The following USH2A variants were observed in gnomAD, a reference collection of about 807,000 sequenced individuals.
USH2A encodes the protein Usher syndrome 2A (autosomal recessive, mild).
USH2A carries 443 observed loss-of-function variants against 538.9 expected under a neutral mutation model. The observed-to-expected ratio is 0.82, with a 90% CI of 0.76 to 0.89. The LOEUF is 0.89. Ranked by LOEUF, USH2A falls within the 40% of genes least tolerant of loss-of-function variation. The pLI is 0.00. For synonymous variants in USH2A, 2,413 were observed against 2,273.5 expected (o/e 1.06, Z -1.75); for missense variants, 6,633 against 6,324.8 (o/e 1.05, Z -1.65).
intron 64 of USH2A, among the ~76,000 whole-genome samples, chr1:215,659,654 GT>G (rs1487755298): frequency 1.3e-5 from 2 of 151,774 alleles, no homozygotes; most frequent in Non-Finnish European, 2.9e-5. Context: ...GTTGTTGTTT[GT>G]TTTTTTAATC....
intron 68 of USH2A, 113 bp from the exon 69 acceptor site, chr1:215,639,351 G>T: frequency 3.0e-6 from 3 of 986,394 alleles, no homozygotes; most frequent in Non-Finnish European, 4.8e-6. Flanking sequence ...TCCAAAGCAA[G>T]TTATGACGTT....
chr1:215,897,579 C>T (rs758622541), intron 40 of USH2A, among the ~76,000 whole-genome samples: 26 of 151,940 alleles, frequency 1.7e-4, no homozygotes, highest in African/African-American at 6.3e-4. Flanking sequence ...ATCCCAGCTA[C>T]TTGGGAGGCT....
chr1:216,303,899 C>G (rs920831242), intron 9 of USH2A, among the ~76,000 whole-genome samples: 1 of 151,888 alleles, frequency 6.6e-6, no homozygotes, highest in Non-Finnish European at 1.5e-5. Context: ...AATGATCAAT[C>G]TTTACAGTAA....
chr1:216,376,959 T>C (rs2038834272), intron 3 of USH2A, among the ~76,000 whole-genome samples: 1 of 152,164 alleles, frequency 6.6e-6, no homozygotes, highest in African/African-American at 2.4e-5. Context: ...CATTATATAA[T>C]AAATAAATAA....
chr1:215,908,769 G>A (rs1343921838), intron 38 of USH2A, among the ~76,000 whole-genome samples: 3 of 151,630 alleles, frequency 2.0e-5, no homozygotes, highest in Non-Finnish European at 2.9e-5. Flanking sequence ...ACTTAACAAA[G>A]CTGACATTGA....
Position 215,888,725 on chromosome 1 carries a change from T to C in USH2A, c.7924A>G (p.Ile2642Val), listed in dbSNP as rs143523460. 2.4e-5 allele frequency: 38 copies of C among 1,614,138 alleles called. No individual in the cohort carries two copies. The African/African-American group carries it at 4.5e-4, about 19-fold the overall frequency. The change falls in exon 41 of 72, where the codon ATA becomes GTA. Residue 2642 changes from isoleucine (I) to valine (V), a missense_variant. Coordinates refer to ENST00000307340, the MANE Select transcript of USH2A (RefSeq NM_206933.4). Reference sequence around the variant, plus strand: ...GGGTGGGTAGGGGGTTGCCAAGATATAATCACAGATGTTGGAGTATCAGAG... The same window carrying C: ...GGGTGGGTAGGGGGTTGCCAAGATACAATCACAGATGTTGGAGTATCAGAG... The part of the protein sequence containing the change: ...LFSDTPTSVI[I>V]SWQPPTHPNG...
chr1:216,331,756 A>C (rs1269258638), intron 4 of USH2A, among the ~76,000 whole-genome samples: 1 of 152,164 alleles, frequency 6.6e-6, no homozygotes, highest in Admixed American at 6.6e-5. Flanking sequence ...TAGCACTGAA[A>C]ATGTGAAATA....
chr1:216,008,639 C>T (rs998867223), intron 32 of USH2A, among the ~76,000 whole-genome samples: 5 of 152,158 alleles, frequency 3.3e-5, no homozygotes. Context: ...GAAAAAGATC[C>T]ACCTACGACC....
In USH2A at chr1:215,845,898, C is replaced by T. The variant is rs397518041; in HGVS notation, c.8981G>A (p.Trp2994Ter). 5.5e-5 allele frequency: 89 copies of T among 1,613,758 alleles called. No individual in the cohort carries two copies. The highest frequency in any genetic ancestry group is 7.1e-5 in the Non-Finnish European group (84 of 1,179,936). Reference protein sequence around the residue: ...IGHLKPNTEYWIFISVFNGVH... With the variant: ...IGHLKPNTEY The stretch of plus-strand genomic sequence containing the variant: ...TCCATTGAAGACAGAGATAAAGATC[C>T]AATACTCTGTGTTTGGCTTTAGGTG... The change falls in exon 45 of 72, where the codon TGG (tryptophan) becomes TAG (stop). Residue 2994 changes from tryptophan (W) to a stop codon, truncating the protein, a stop_gained. Coordinates refer to ENST00000307340, the MANE Select transcript of USH2A (RefSeq NM_206933.4). LOFTEE classifies it high-confidence loss of function.
intron 16 of USH2A, among the ~76,000 whole-genome samples, chr1:216,205,745 A>G (rs1406921596): frequency 6.6e-6 from 1 of 152,216 alleles, no homozygotes; most frequent in Admixed American, 6.5e-5. Flanking sequence ...AGAAACTTGA[A>G]TTGGAATTGC....
At chr1:216,021,687 T>A (rs1048280400) in intron 32 of USH2A, among the ~76,000 whole-genome samples, 2 of 152,180 alleles carry the variant, frequency 1.3e-5, no homozygotes, top group African/African-American at 2.4e-5. Context: ...TTCCTTACAA[T>A]AAATCTCTCT....
At chr1:215,880,993 C>T (rs372260507) in intron 41 of USH2A, among the ~76,000 whole-genome samples, 3 of 152,148 alleles carry the variant, frequency 2.0e-5, no homozygotes, top group East Asian at 3.9e-4. Context: ...GTAATCCCAG[C>T]TACCTGGGAG....
intron 9 of USH2A, among the ~76,000 whole-genome samples, chr1:216,313,579 CTATATT>C (rs1004464800): frequency 3.3e-5 from 5 of 152,134 alleles, no homozygotes; most frequent in African/African-American, 1.2e-4. Flanking sequence ...AAATTTTCCT[CTATATT>C]TATCCACATA....
intron 37 of USH2A, among the ~76,000 whole-genome samples, chr1:215,957,692 C>T (rs1027182720): frequency 1.3e-5 from 2 of 152,184 alleles, no homozygotes; most frequent in Non-Finnish European, 2.9e-5. Flanking sequence ...CTTTTCTCCT[C>T]CTCTCTTTCT....
At chr1:216,333,526 G>A (rs1372075059) in intron 4 of USH2A, among the ~76,000 whole-genome samples, 1 of 151,898 alleles carries the variant, frequency 6.6e-6, no homozygotes, top group Non-Finnish European at 1.5e-5. Flanking sequence ...AGAGGTAAAA[G>A]GACTGAAAGA....
At chr1:216,323,854 G>T (rs2037669515) in intron 7 of USH2A, among the ~76,000 whole-genome samples, 159 bp from the exon 8 acceptor site, 1 of 151,954 alleles carries the variant, frequency 6.6e-6, no homozygotes, top group Admixed American at 6.6e-5. Context: ...AACAATACAG[G>T]ATTATCATAG....
chr1:215,684,657 C>T (rs2820682), intron 61 of USH2A, among the ~76,000 whole-genome samples: 112,398 of 152,136 alleles, frequency 0.74, 41,888 homozygotes, highest in East Asian at 0.9. Context: ...CAGAGTATTA[C>T]GTGTCCATAT....
chr1:216,114,522 ATTTTTTACATAAT>A (rs1485236547), intron 21 of USH2A, among the ~76,000 whole-genome samples: 1 of 152,062 alleles, frequency 6.6e-6, no homozygotes, highest in Non-Finnish European at 1.5e-5. Context: ...TTTCTAGTTC[ATTTTTTACATAAT>A]TTTATTCCTC....
intron 21 of USH2A, among the ~76,000 whole-genome samples, chr1:216,161,772 C>T (rs1007799816): frequency 2.6e-5 from 4 of 151,606 alleles, no homozygotes; most frequent in African/African-American, 4.8e-5. Context: ...GGATATGTTT[C>T]CTGGGTACAG....
Sources: allele counts gnomAD v4.1 joint callset (sites outside exome capture counted in the v4.1 genomes callset), GRCh38; gene constraint gnomAD v4.1.1; transcripts MANE v1.5; gene names NCBI Gene and HGNC (gene_info 2026-07-23, HGNC 2026-07-21).